ARL17A: variants seen among roughly 807,000 people sequenced by gnomAD.
ARL17A encodes ADP-ribosylation factor-like 17-like.
the ARL17A span, among the ~76,000 whole-genome samples, chr17:46,502,030 A>ATAT: frequency 6.6e-6 from 1 of 151,312 alleles, no homozygotes; most frequent in South Asian, 2.1e-4. Flanking sequence ...AGCCACTCAA[A>ATAT]TATGGTAAAG....
chr17:46,503,077 T>TG, the ARL17A span, among the ~76,000 whole-genome samples: 3 of 150,458 alleles, frequency 2.0e-5, no homozygotes, highest in South Asian at 2.1e-4. Flanking sequence ...CCGGCAGTGG[T>TG]GGGGGGCGCC....
intron 4 of ARL17A, among the ~76,000 whole-genome samples, chr17:46,529,167 A>G (rs112619605): frequency 7.3e-6 from 1 of 137,440 alleles, no homozygotes; most frequent in East Asian, 2.0e-4. Context: ...TAGCTCATCT[A>G]TCTGGACCTG....
intron 4 of ARL17A, among the ~76,000 whole-genome samples, chr17:46,532,811 T>C (rs1404076088): frequency 6.7e-6 from 1 of 149,482 alleles, no homozygotes; most frequent in Non-Finnish European, 1.5e-5. Flanking sequence ...AATTTGGTCT[T>C]CTGTATTTTT....
chr17:46,544,069 A>ATT lies in ARL17A; in HGVS notation c.260-5645_260-5644dup, dbSNP rs2055915873. 3.2e-5 allele frequency among the ~76,000 whole-genome samples: 4 copies of ATT among 125,542 alleles called. No individual in the cohort carries two copies. The South Asian group carries it at 1.0e-3, about 31-fold the overall frequency. 82.4% of individuals were successfully genotyped at this position (125,542 alleles called of 152,430 possible). Reference sequence around the variant, plus strand: ...GAGACAGAGGCTGCAGTGAGCCAAGATTGCACCACTGCACTCAGCCTGTGT... The same window carrying ATT: ...GAGACAGAGGCTGCAGTGAGCCAAGATTTTGCACCACTGCACTCAGCCTGTGT... On this transcript the variant is annotated intron_variant, in intron 3 of 4. Coordinates refer to the ARL17A transcript ENST00000329240.
At chr17:46,558,626 A>G (rs2057423305) in intron 3 of ARL17A, among the ~76,000 whole-genome samples, 1 of 125,514 alleles carries the variant, frequency 8.0e-6, no homozygotes. Flanking sequence ...CCTGACCTCA[A>G]GTGATCCGCT....
chr17:46,545,849 A>G (rs1371822338), intron 3 of ARL17A, among the ~76,000 whole-genome samples: 1 of 150,266 alleles, frequency 6.7e-6, no homozygotes, highest in East Asian at 1.9e-4. Flanking sequence ...TTTAATGCCC[A>G]GAGTAATTTA....
intron 3 of ARL17A, among the ~76,000 whole-genome samples, chr17:46,543,448 A>T (rs1865646511): frequency 6.6e-6 from 1 of 150,994 alleles, no homozygotes; most frequent in African/African-American, 2.5e-5. Flanking sequence ...TTGGATTGTG[A>T]ATTTTTTAAG....
intron 4 of ARL17A, among the ~76,000 whole-genome samples, chr17:46,532,326 T>C (rs2053801634): frequency 6.6e-6 from 1 of 150,434 alleles, no homozygotes; most frequent in Non-Finnish European, 1.5e-5. Flanking sequence ...GTTTGCCAGA[T>C]TTTGTCAAGC....
intron 3 of ARL17A, among the ~76,000 whole-genome samples, chr17:46,541,165 C>T (rs2055240071): frequency 7.1e-6 from 1 of 141,584 alleles, no homozygotes; most frequent in Non-Finnish European, 1.5e-5. Context: ...GATTTCTGTT[C>T]CTATACTTTT....
chr17:46,569,203 T>C (rs1398293676), intron 3 of ARL17A, among the ~76,000 whole-genome samples: 1 of 151,744 alleles, frequency 6.6e-6, no homozygotes, highest in Non-Finnish European at 1.5e-5. Flanking sequence ...CAGCCTTGGC[T>C]TCCCAAAGTG....
intron 3 of ARL17A, among the ~76,000 whole-genome samples, chr17:46,569,236 C>T (rs2057638155): frequency 6.6e-6 from 1 of 151,546 alleles, no homozygotes. Context: ...GTGTAAGCCA[C>T]CACACTCAGC....
In ARL17A at chr17:46,529,639, A is replaced by G. The variant is rs536815278; in HGVS notation, c.336-780T>C. Among the ~76,000 whole-genome samples the G allele has an allele frequency of 6.4e-3, 468 of 73,382 alleles. 83 individuals are homozygous for G. Among genetic ancestry groups the G allele is most frequent in the African/African-American group, 0.017 (430 of 25,758 alleles). The allele number at this position is 73,382 out of a possible 152,430, so 48.1% of individuals were successfully genotyped here. ...GCCTGGGCAACAAAGTGAGACCCCA[A>G]TCTCTACAAAAAGACTTTTAAAAAG... is the stretch of plus-strand genomic sequence containing the variant. On this transcript the variant is annotated intron_variant, in intron 4 of 4. Coordinates refer to the ARL17A transcript ENST00000329240.
In ARL17A at chr17:46,520,926, A is replaced by C. The variant is rs1340345943; in HGVS notation, c.260-3693T>G. ...AATTAAATTAACATTTAAATATTAA[A>C]AATAGCTGAATTATATCAATATTAT... On this transcript the variant is annotated intron_variant, in intron 3 of 4. Transcript: ENST00000445552. 6.2e-5 allele frequency among the ~76,000 whole-genome samples: 5 copies of C among 80,438 alleles called. 2 individuals carry two copies. The highest frequency in any genetic ancestry group is 1.7e-4 in the Non-Finnish European group (5 of 29,702). 52.8% of individuals were successfully genotyped at this position (80,438 alleles called of 152,430 possible).
At chr17:46,539,462 A>G (rs1241978045) in intron 3 of ARL17A, among the ~76,000 whole-genome samples, 1 of 150,682 alleles carries the variant, frequency 6.6e-6, no homozygotes, top group Non-Finnish European at 1.5e-5. Context: ...TAAAAACTTT[A>G]TAAAGATAAA....
chr17:46,505,153 C>T, the ARL17A span, among the ~76,000 whole-genome samples: 3 of 90,118 alleles, frequency 3.3e-5, no homozygotes, highest in Admixed American at 1.1e-4. Context: ...AGGATGGTCT[C>T]GATCTCCTGA....
At chr17:46,533,424 C>T (rs2054020526) in intron 4 of ARL17A, among the ~76,000 whole-genome samples, 1 of 130,132 alleles carries the variant, frequency 7.7e-6, no homozygotes, top group Non-Finnish European at 1.6e-5. Context: ...GTTATTGTCA[C>T]ACATTACATC....
exon 5 of ARL17A, chr17:46,528,812 G>A (rs1406305062): frequency 1.5e-6 from 1 of 672,014 alleles, no homozygotes; most frequent in African/African-American, 2.0e-5. Context: ...TGCAGTCCGA[G>A]GTCTTGTATG....
intron 3 of ARL17A, among the ~76,000 whole-genome samples, chr17:46,541,455 T>A (rs1295829420): frequency 6.7e-6 from 1 of 149,272 alleles, no homozygotes; most frequent in Non-Finnish European, 1.5e-5. Flanking sequence ...TTTCGCCATG[T>A]TGGCCAGGGT....
chr17:46,534,416 T>C (rs369234167), intron 4 of ARL17A, among the ~76,000 whole-genome samples: 16,610 of 140,464 alleles, frequency 0.12, 1,843 homozygotes, highest in Middle Eastern at 0.19. Flanking sequence ...AGCATGCTGC[T>C]TTCAAGCATC....
Sources: allele counts gnomAD v4.1 joint callset (sites outside exome capture counted in the v4.1 genomes callset), GRCh38; gene constraint gnomAD v4.1.1; transcripts MANE v1.5; gene names NCBI Gene and HGNC (gene_info 2026-07-23, HGNC 2026-07-21).